PCDHGB7: variants seen among roughly 807,000 people sequenced by gnomAD.
The protein encoded by PCDHGB7 is protocadherin gamma subfamily B, 7, also known as protocadherin gamma-B7.
PCDHGB7 carries 37 observed loss-of-function variants against 61.4 expected under a neutral mutation model. The ratio of observed to expected loss-of-function variants is 0.60; its 90% CI spans 0.46 to 0.79. PCDHGB7 has a LOEUF of 0.79. Ranked by LOEUF, PCDHGB7 falls within the 30% of genes least tolerant of loss-of-function variation. The pLI, the probability that PCDHGB7 is intolerant of heterozygous loss-of-function variation, is 0.00. For synonymous variants in PCDHGB7, 464 were observed against 503.5 expected, an observed-to-expected ratio of 0.92 and a Z score of 1.05; for missense variants, 1,166 against 1,202.5, an observed-to-expected ratio of 0.97 and a Z score of 0.45.
At chr5:141,470,227 C>A (rs1387947362) in intron 1 of PCDHGB7, among the ~76,000 whole-genome samples, 1 of 152,160 alleles carries the variant, frequency 6.6e-6, no homozygotes, top group Non-Finnish European at 1.5e-5. Flanking sequence ...AGCTTCTTCA[C>A]CAAACCCTTG....
chr5:141,475,343 G>A (rs1425482944), intron 1 of PCDHGB7, among the ~76,000 whole-genome samples: 1 of 152,178 alleles, frequency 6.6e-6, no homozygotes, highest in Non-Finnish European at 1.5e-5. Flanking sequence ...ATGACATCCA[G>A]TTTTAAAAGA....
chr5:141,417,900 G>C lies in PCDHGB7; in HGVS notation c.41G>C (p.Arg14Pro). 2 of 1,583,452 alleles carry C rather than the reference G, an allele frequency of 1.3e-6. No individual in the cohort carries two copies. Among genetic ancestry groups the C allele is most frequent in the Non-Finnish European group, 1.7e-6 (2 of 1,164,452 alleles). The change falls in exon 1 of 4, where the codon CGG becomes CCG. Residue 14 changes from arginine (R) to proline (P), a missense_variant. Arg to Pro is a moderately radical substitution (Grantham distance 103). Coordinates refer to ENST00000398594, the MANE Select transcript of PCDHGB7 (RefSeq NM_018927.4). The part of the protein sequence containing the change: ...SCAQRRRAGP[R>P]QVLFPLLLPL... The stretch of plus-strand genomic sequence containing the variant: ...GCGCAGAGGCGCCGGGCCGGCCCGC[G>C]GCAGGTACTATTTCCTTTGCTGCTG...
At position 141,421,030 on chromosome 5, in the gene PCDHGB7, G is replaced by A. The variant is rs989158485; in HGVS notation, c.2415+756G>A. The stretch of plus-strand genomic sequence containing the variant: ...GGAATGGGAAGCTGCGCGCCATTGA[G>A]TCCCTCCCTCCCCCGCCTCTACCAC... On this transcript the variant is annotated intron_variant, in intron 1 of 3. Coordinates refer to ENST00000398594, the MANE Select transcript of PCDHGB7 (RefSeq NM_018927.4). 39 of 532,352 alleles carry A rather than the reference G, an allele frequency of 7.3e-5. No homozygotes were observed. In the East Asian group the frequency reaches 1.2e-3, roughly 17 times the overall value. 33.0% of individuals were successfully genotyped at this position (532,352 alleles called of 1,614,324 possible). A position where few individuals can be genotyped will look rare whatever the true frequency, so the allele number is the denominator to read the frequency against.
In PCDHGB7 at chr5:141,486,157, A is replaced by C. The variant is rs1562110580; in HGVS notation, c.2416-8650A>C. On this transcript the variant is annotated intron_variant, in intron 1 of 3. Transcript: ENST00000398594. This position sits in a 1 kb window ranked among gnomAD's most constrained non-coding sequence, Gnocchi z 5.0. ...TGCGGGCTCGCGATGGGGGTTCTCC[A>C]GCCATGGAGCAACATTGCAGCCTTC... 10 of 1,614,208 alleles carry C rather than the reference A, an allele frequency of 6.2e-6. No individual in the cohort carries two copies. The highest frequency in any genetic ancestry group is 8.5e-6 in the Non-Finnish European group (10 of 1,180,028).
chr5:141,465,995 A>C lies in PCDHGB7; in HGVS notation c.2416-28812A>C, dbSNP rs551920109. On this transcript the variant is annotated intron_variant, in intron 1 of 3. Coordinates refer to ENST00000398594, the MANE Select transcript of PCDHGB7 (RefSeq NM_018927.4). ...AAATTAGCCGGGCATGGTGGCAGGC[A>C]CCTGTAGTCCCAGCTACTCGGGAGG... Among the ~76,000 whole-genome samples the C allele has an allele frequency of 1.3e-4, 20 of 151,982 alleles. No homozygotes were observed. In the South Asian group the frequency reaches 4.2e-3, roughly 32 times the overall value.
At chr5:141,423,183 G>GCCCCCTCTCTCGGCCAC (rs760086052) in intron 1 of PCDHGB7, 8 of 1,613,570 alleles carry the variant, frequency 5.0e-6, no homozygotes, top group Non-Finnish European at 6.8e-6. Context: ...ACCACGGCCA[G>GCCCCCTCTCTCGGCCAC]CCCCCTCTCT....
chr5:141,446,821 T>G (rs183143971), intron 1 of PCDHGB7, among the ~76,000 whole-genome samples: 2 of 152,184 alleles, frequency 1.3e-5, no homozygotes, highest in South Asian at 4.1e-4. Context: ...GTCAGATGGG[T>G]AGATCCTTAT....
chr5:141,510,709 CAGTGAGTAAGGAA>C (rs1452833908), intron 3 of PCDHGB7, among the ~76,000 whole-genome samples: 7 of 152,168 alleles, frequency 4.6e-5, no homozygotes, highest in Admixed American at 4.6e-4. Flanking sequence ...CCCAGGATCA[CAGTGAGTAAGGAA>C]AGGAGCTAGG....
At position 141,418,244 on chromosome 5, in the gene PCDHGB7, C is replaced by G. The variant is rs746986702; in HGVS notation, c.385C>G (p.His129Asp). The G allele has an allele frequency of 6.2e-7, 1 of 1,613,980 alleles. No homozygotes were observed. The change falls in exon 1 of 4, where the codon CAC becomes GAC. Residue 129 changes from histidine (H) to aspartate (D), a missense_variant. By Grantham distance (81) the His-to-Asp change is moderately conservative (BLOSUM62 -1). Coordinates refer to ENST00000398594, the MANE Select transcript of PCDHGB7 (RefSeq NM_018927.4). Reference protein sequence around the residue: ...VIVVIEDVNDHAPQFRKDEIN... With the variant: ...VIVVIEDVNDDAPQFRKDEIN... ...TGTGGTGATTGAGGATGTTAATGAC[C>G]ACGCCCCTCAATTCCGGAAAGATGA...
chr5:141,432,367 C>A lies in PCDHGB7; in HGVS notation c.2415+12093C>A, dbSNP rs2097491556. 6.2e-7 allele frequency: 1 copy of A among 1,614,246 alleles called. No individual in the cohort carries two copies. The highest frequency in any genetic ancestry group is 8.5e-7 in the Non-Finnish European group (1 of 1,180,040). The stretch of plus-strand genomic sequence containing the variant: ...TGCAAGTGAAAGTGATGGCGCGGGA[C>A]AACGGGCACCCGCCCCTCAGCAGCA... On this transcript the variant is annotated intron_variant, in intron 1 of 3. Transcript: ENST00000398594. This position sits in a 1 kb window ranked among gnomAD's most constrained non-coding sequence, Gnocchi z 6.0.
chr5:141,461,438 T>C (rs1034260263), intron 1 of PCDHGB7, among the ~76,000 whole-genome samples: 3 of 152,200 alleles, frequency 2.0e-5, no homozygotes, highest in African/African-American at 7.2e-5. Flanking sequence ...GTATACCTTC[T>C]TTTGAGAAAT....
At chr5:141,469,362 G>C (rs915161729) in intron 1 of PCDHGB7, among the ~76,000 whole-genome samples, 14 of 152,084 alleles carry the variant, frequency 9.2e-5, no homozygotes, top group Non-Finnish European at 7.4e-5. Flanking sequence ...GGATCATGAG[G>C]TAAAGAGATC....
At chr5:141,465,144 T>A (rs965605798) in intron 1 of PCDHGB7, among the ~76,000 whole-genome samples, 4 of 152,008 alleles carry the variant, frequency 2.6e-5, no homozygotes, top group Admixed American at 6.6e-5. Flanking sequence ...TTAGGGGATA[T>A]ATGAAGGGAC....
chr5:141,500,491 G>A (rs1595677531), intron 2 of PCDHGB7, among the ~76,000 whole-genome samples: 1 of 152,156 alleles, frequency 6.6e-6, no homozygotes, highest in East Asian at 1.9e-4. Context: ...TTACAGGCGT[G>A]AGCCACCGCG....
intron 3 of PCDHGB7, chr5:141,508,128 T>C (rs1490298338): frequency 6.6e-6 from 1 of 151,706 alleles, no homozygotes; most frequent in African/African-American, 2.4e-5. Context: ...CAGAGGGAGG[T>C]CAGGGAGCTG....
chr5:141,485,260 G>C lies in PCDHGB7; in HGVS notation c.2416-9547G>C. ...TTTACCACCTGGGTTACGTTTGTGG[G>C]CAGATCCGCTACCCGGTCCCAGAGG... is the stretch of plus-strand genomic sequence containing the variant. On this transcript the variant is annotated intron_variant, in intron 1 of 3. Transcript: ENST00000398594. The surrounding 1 kb of genome is among the most constrained non-coding windows in gnomAD (Gnocchi z 5.7). 1 of 1,614,122 alleles carries C rather than the reference G, an allele frequency of 6.2e-7. No homozygotes were observed. The highest frequency in any genetic ancestry group is 8.5e-7 in the Non-Finnish European group (1 of 1,179,966).
At chr5:141,423,375 G>C in intron 1 of PCDHGB7, 1 of 1,614,192 alleles carries the variant, frequency 6.2e-7, no homozygotes, top group Non-Finnish European at 8.5e-7. Context: ...TGGCACTCAG[G>C]CTGTGGCGCT....
chr5:141,419,968 T>G lies in PCDHGB7; in HGVS notation c.2109T>G (p.Phe703Leu), dbSNP rs766617414. ...CCTTGGCCTTGATTTCTGTGCTCTT[T>G]CTCCTCGCGGTGATTCTAGCTATTG... is the stretch of plus-strand genomic sequence containing the variant. ...VVALALISVL[F>L]LLAVILAIAL... Residue 703 changes from phenylalanine to leucine, a missense_variant, in exon 1 of 4, where the codon TTT becomes TTG. Transcript: ENST00000398594. The G allele has an allele frequency of 6.2e-6, 10 of 1,614,036 alleles. No homozygotes were observed. The South Asian group carries it at 1.1e-4, about 18-fold the overall frequency.
chr5:141,421,473 C>T (rs907282414), intron 1 of PCDHGB7: 10 of 1,613,994 alleles, frequency 6.2e-6, no homozygotes, highest in Middle Eastern at 1.6e-4. Context: ...ATCCGCGAAG[C>T]GGCAGCTTGA....
Sources: allele counts gnomAD v4.1 joint callset (sites outside exome capture counted in the v4.1 genomes callset), GRCh38; gene constraint gnomAD v4.1.1; non-coding constraint Gnocchi (gnomAD v3.1); transcripts MANE v1.5; gene names NCBI Gene and HGNC (gene_info 2026-07-23, HGNC 2026-07-21).